Variants in SHISA9 observed in about 807,000 individuals in gnomAD.
SHISA9 encodes protein shisa-9.
SHISA9 carries 13 observed loss-of-function variants against 38.0 expected under a neutral mutation model. That is an observed-to-expected ratio of 0.34 (90% CI 0.22 to 0.54). The LOEUF (loss-of-function observed/expected upper bound fraction) is 0.54. Among genes scored for constraint, SHISA9 ranks in the 20% least tolerant of loss-of-function variants. SHISA9 has a pLI of 0.91. For missense variants in SHISA9, 538 were observed against 575.8 expected (o/e 0.93, Z 0.67); for synonymous variants, 275 against 242.0 (o/e 1.14, Z -1.27).
intron 2 of SHISA9, among the ~76,000 whole-genome samples, chr16:13,127,590 C>G (rs145244505): frequency 7.0e-4 from 106 of 152,168 alleles, no homozygotes; most frequent in African/African-American, 2.5e-3. Flanking sequence ...GGAGGGAGAG[C>G]AGCTTGACAG....
intron 2 of SHISA9, among the ~76,000 whole-genome samples, chr16:13,036,802 C>G (rs1038209331): frequency 6.6e-6 from 1 of 151,502 alleles, no homozygotes; most frequent in African/African-American, 2.4e-5. Flanking sequence ...GACAGCACCC[C>G]CAGTACTAAA....
chr16:13,183,304 C>T (rs563012597), intron 2 of SHISA9, among the ~76,000 whole-genome samples: 297 of 152,296 alleles, frequency 2.0e-3, no homozygotes, highest in African/African-American at 6.6e-3. Flanking sequence ...CAATCTGCCA[C>T]AGATTAGGTA....
chr16:13,156,878 C>T (rs964317247), intron 2 of SHISA9, among the ~76,000 whole-genome samples: 33 of 152,188 alleles, frequency 2.2e-4, no homozygotes, highest in African/African-American at 7.7e-4. Flanking sequence ...CTCATCTTTG[C>T]GCTTCTCCAC....
At chr16:13,122,698 A>C (rs1291696482) in intron 2 of SHISA9, among the ~76,000 whole-genome samples, 4 of 152,200 alleles carry the variant, frequency 2.6e-5, no homozygotes, top group Non-Finnish European at 5.9e-5. Flanking sequence ...TTGATGCATT[A>C]AGTATGTTTT....
intron 2 of SHISA9, among the ~76,000 whole-genome samples, chr16:13,157,145 C>A (rs2050554289): frequency 6.6e-6 from 1 of 152,136 alleles, no homozygotes; most frequent in African/African-American, 2.4e-5. Context: ...ATTCATCCAT[C>A]CATCATCCGT....
At chr16:13,516,071 A>G in the SHISA9 span, among the ~76,000 whole-genome samples, 3 of 152,338 alleles carry the variant, frequency 2.0e-5, no homozygotes, top group Middle Eastern at 3.4e-3. Flanking sequence ...AGGCTGCTCA[A>G]AAACCTTTCA....
At chr16:13,263,792 C>T in the SHISA9 span, among the ~76,000 whole-genome samples, 1 of 151,992 alleles carries the variant, frequency 6.6e-6, no homozygotes, top group Non-Finnish European at 1.5e-5. Context: ...TGTAAGATGC[C>T]ACCTTTGGGA....
chr16:13,366,364 C>CATTTACAGT, the SHISA9 span, among the ~76,000 whole-genome samples: 4 of 152,178 alleles, frequency 2.6e-5, no homozygotes, highest in African/African-American at 9.7e-5. Flanking sequence ...AATGTGTTTT[C>CATTTACAGT]ATTTACAGTG....
chr16:13,544,125 C>T, the SHISA9 span, among the ~76,000 whole-genome samples: 3 of 152,062 alleles, frequency 2.0e-5, no homozygotes, highest in African/African-American at 4.8e-5. Flanking sequence ...CTTAACACCT[C>T]TTTGAGTATC....
chr16:13,508,975 C>G, the SHISA9 span, among the ~76,000 whole-genome samples: 2 of 152,118 alleles, frequency 1.3e-5, no homozygotes, highest in Non-Finnish European at 2.9e-5. Context: ...AATTCATTAT[C>G]AAGGATTTAA....
chr16:13,067,352 C>G (rs895186240), intron 2 of SHISA9, among the ~76,000 whole-genome samples: 1 of 152,204 alleles, frequency 6.6e-6, no homozygotes, highest in Non-Finnish European at 1.5e-5. Context: ...TTGATGAACT[C>G]AAGTTCACAT....
intron 2 of SHISA9, among the ~76,000 whole-genome samples, chr16:13,177,656 T>TTTTGTTTG (rs958558614): frequency 6.6e-6 from 1 of 151,496 alleles, no homozygotes; most frequent in Admixed American, 6.6e-5. Context: ...TTCACGGTGT[T>TTTTGTTTG]TTTGTTTGTT....
chr16:13,498,416 A>G, the SHISA9 span, among the ~76,000 whole-genome samples: 4 of 152,304 alleles, frequency 2.6e-5, no homozygotes, highest in African/African-American at 9.6e-5. Flanking sequence ...AGTCTTAAAA[A>G]TATTCAGTTT....
chr16:13,055,659 C>T (rs917089713), intron 2 of SHISA9, among the ~76,000 whole-genome samples: 1 of 152,162 alleles, frequency 6.6e-6, no homozygotes, highest in African/African-American at 2.4e-5. Context: ...TCTAAATTCT[C>T]CCTCCATGCC....
chr16:13,356,251 G>A, the SHISA9 span, among the ~76,000 whole-genome samples: 5 of 152,150 alleles, frequency 3.3e-5, no homozygotes, highest in Admixed American at 2.6e-4. Flanking sequence ...ATTTAATGTC[G>A]GGAGCAGATT....
At position 13,194,373 on chromosome 16, in the gene SHISA9, A is replaced by T. The variant is rs193072648; in HGVS notation, c.692-9021A>T. On this transcript the variant is annotated intron_variant, in intron 2 of 4. Transcript: ENST00000558583. ...GCAATAAGGAAGTGCCTAAGTCCAC[A>T]GATTCTAGAGTCAGACTGTCAGGTT... Among the ~76,000 whole-genome samples, 10 of 152,356 alleles carry T rather than the reference A, an allele frequency of 6.6e-5. No individual in the cohort carries two copies. The East Asian group carries it at 1.9e-3, about 29-fold the overall frequency.
the SHISA9 span, among the ~76,000 whole-genome samples, chr16:13,533,856 T>G: frequency 6.7e-6 from 1 of 149,990 alleles, no homozygotes; most frequent in African/African-American, 2.5e-5. Context: ...CGATCTCGGC[T>G]CACTGCAAAC....
At position 13,192,195 on chromosome 16, in the gene SHISA9, T is replaced by C. The variant is rs1175557151; in HGVS notation, c.692-11199T>C. ...CAGTAAGTATGCAGGGACATGAAGA[T>C]GGAAATCACAGATACTAGGGACTGC... On this transcript the variant is annotated intron_variant, in intron 2 of 4. Coordinates refer to ENST00000558583, the MANE Select transcript of SHISA9 (RefSeq NM_001145204.3). Among the ~76,000 whole-genome samples the C allele has an allele frequency of 2.0e-5, 3 of 151,922 alleles. No homozygotes were observed. The East Asian group carries it at 5.8e-4, about 30-fold the overall frequency.
intron 2 of SHISA9, among the ~76,000 whole-genome samples, chr16:12,936,370 A>C (rs1460061427): frequency 6.6e-6 from 1 of 152,182 alleles, no homozygotes; most frequent in Non-Finnish European, 1.5e-5. Flanking sequence ...GTCCAATGTC[A>C]TATTCTCTTA....
Sources: allele counts gnomAD v4.1 joint callset (sites outside exome capture counted in the v4.1 genomes callset), GRCh38; gene constraint gnomAD v4.1.1; transcripts MANE v1.5; gene names NCBI Gene and HGNC (gene_info 2026-07-23, HGNC 2026-07-21).